The following XPR1 variants were observed in gnomAD, a reference collection of about 807,000 sequenced individuals.
The protein encoded by XPR1 is xenotropic and polytropic retrovirus receptor 1.
In XPR1, 28 loss-of-function variants were observed where a neutral mutation model predicts 87.5. The ratio of observed to expected loss-of-function variants is 0.32; its 90% CI spans 0.24 to 0.44. The LOEUF is 0.44. XPR1 is among the 20% of genes least tolerant of loss of function. The probability of loss-of-function intolerance (pLI) is 1.00; values close to 1 mark genes in which losing one functional copy is unlikely to be tolerated. For missense variants in XPR1, 559 were observed against 862.3 expected (o/e 0.65, Z 4.41); for synonymous variants, 300 against 306.1 (o/e 0.98, Z 0.21).
At chr1:180,725,042 T>C (rs1658291048) in intron 2 of XPR1, among the ~76,000 whole-genome samples, 1 of 152,210 alleles carries the variant, frequency 6.6e-6, no homozygotes, top group Non-Finnish European at 1.5e-5. Flanking sequence ...TTCATGGTTA[T>C]AAACAATAAC....
At chr1:180,703,456 T>C (rs1433034302) in intron 2 of XPR1, among the ~76,000 whole-genome samples, 2 of 152,148 alleles carry the variant, frequency 1.3e-5, no homozygotes, top group East Asian at 1.9e-4. Flanking sequence ...GGCTCCCAGA[T>C]GATGTGCGCA....
intron 1 of XPR1, among the ~76,000 whole-genome samples, chr1:180,640,364 A>T (rs777067288): frequency 1.4e-4 from 22 of 152,226 alleles, no homozygotes; most frequent in Non-Finnish European, 2.5e-4. Context: ...GTAGGTTGTT[A>T]GCTCCGTTTC....
intron 2 of XPR1, among the ~76,000 whole-genome samples, chr1:180,751,215 T>C (rs1449970958): frequency 1.3e-5 from 2 of 152,000 alleles, no homozygotes; most frequent in Non-Finnish European, 2.9e-5. Flanking sequence ...TTTACAGTTT[T>C]CCTTTCCTAT....
At chr1:180,710,652 C>A (rs1335214877) in intron 2 of XPR1, among the ~76,000 whole-genome samples, 1 of 152,230 alleles carries the variant, frequency 6.6e-6, no homozygotes, top group East Asian at 1.9e-4. Context: ...CCCCACATTT[C>A]CCCCCTTACT....
intron 1 of XPR1, among the ~76,000 whole-genome samples, chr1:180,671,535 A>T (rs1218801515): frequency 5.9e-5 from 9 of 151,810 alleles, no homozygotes; most frequent in South Asian, 2.1e-4. Context: ...ATATATATAT[A>T]TTTTTTTGAG....
At chr1:180,883,149 T>TA (rs1553255849) in intron 14 of XPR1, among the ~76,000 whole-genome samples, 16 of 149,020 alleles carry the variant, frequency 1.1e-4, no homozygotes, top group South Asian at 4.3e-4. Context: ...TTTTTTTTTT[T>TA]AAGACAGGGT....
chr1:180,787,681 A>T, intron 2 of XPR1, 72 bp from the exon 3 acceptor site: 1 of 1,033,080 alleles, frequency 9.7e-7, no homozygotes, highest in Non-Finnish European at 1.4e-6. Flanking sequence ...AAGTAATCTT[A>T]GTTTTTGTTT....
Position 180,744,650 on chromosome 1 carries a change from C to CTTTTT in XPR1, c.122-43100_122-43099insTTTTT, listed in dbSNP as rs200044209. On this transcript the variant is annotated intron_variant, in intron 2 of 14. Transcript: ENST00000367590. ...ACTTGTTCAGGTTTAGGCACAATTTCTTTCTTTTTTTTTTTTTTGAGACAG... is the reference window on the plus strand; with the variant it reads ...ACTTGTTCAGGTTTAGGCACAATTTCTTTTTTTTCTTTTTTTTTTTTTTGAGACAG... Among the ~76,000 whole-genome samples the CTTTTT allele has an allele frequency of 8.1e-4, 46 of 56,954 alleles. 7 individuals are homozygous for CTTTTT. Among genetic ancestry groups the CTTTTT allele is most frequent in the African/African-American group, 2.6e-3 (44 of 17,138 alleles). 37.4% of individuals were successfully genotyped at this position (56,954 alleles called of 152,430 possible).
rs1038786946 is a variant in XPR1 at position 180,632,087 on chromosome 1, A to G, written c.-115A>G. ...GAGACCTCGGCGGCGGCGGAGGAGG[A>G]GAGAAGCGCAGCGCCGCGCCGCGCC... On this transcript the variant is annotated 5_prime_UTR_variant, in exon 1 of 15. Coordinates refer to ENST00000367590, the MANE Select transcript of XPR1 (RefSeq NM_004736.4). 7.9e-7 allele frequency: 1 copy of G among 1,267,198 alleles called. No individual in the cohort carries two copies. Among genetic ancestry groups the G allele is most frequent in the Non-Finnish European group, 1.1e-6 (1 of 890,398 alleles). The allele number at this position is 1,267,198 out of a possible 1,614,324, so 78.5% of individuals were successfully genotyped here. A position where few individuals can be genotyped will look rare whatever the true frequency, so the allele number is the denominator to read the frequency against.
intron 1 of XPR1, among the ~76,000 whole-genome samples, chr1:180,674,304 G>A (rs1262849221): frequency 6.6e-6 from 1 of 152,192 alleles, no homozygotes; most frequent in East Asian, 1.9e-4. Flanking sequence ...TGTTGCCCAG[G>A]CTGGAGTGCA....
intron 11 of XPR1, among the ~76,000 whole-genome samples, chr1:180,842,297 T>C (rs990619034): frequency 6.6e-6 from 1 of 152,122 alleles, no homozygotes; most frequent in African/African-American, 2.4e-5. Context: ...TTTCAGAGTG[T>C]CTCATGTTTT....
rs142483142 is a variant in XPR1, at chr1:180,680,606, G to A, written c.70-1754G>A. On this transcript the variant is annotated intron_variant, in intron 1 of 14. Transcript: ENST00000367590. Reference sequence around the variant, plus strand: ...TCTCGATCTTTTGACCTCGTGATCCGCTCTCCTCGGCCTCCCAAAGTGCTG... The same window carrying A: ...TCTCGATCTTTTGACCTCGTGATCCACTCTCCTCGGCCTCCCAAAGTGCTG... 4.4e-4 allele frequency among the ~76,000 whole-genome samples: 67 copies of A among 152,074 alleles called. No homozygotes were observed. In the East Asian group the frequency reaches 0.012, roughly 27 times the overall value.
intron 1 of XPR1, among the ~76,000 whole-genome samples, chr1:180,668,978 A>C (rs1656061196): frequency 6.6e-6 from 1 of 151,942 alleles, no homozygotes; most frequent in African/African-American, 2.4e-5. Context: ...AATCCCAGCT[A>C]CTTGGGAGGC....
At chr1:180,750,084 T>C (rs1295657612) in intron 2 of XPR1, among the ~76,000 whole-genome samples, 1 of 152,222 alleles carries the variant, frequency 6.6e-6, no homozygotes, top group African/African-American at 2.4e-5. Flanking sequence ...CAGTATTTCC[T>C]TGAAGATATT....
chr1:180,835,030 C>G lies in XPR1; in HGVS notation c.1291C>G (p.Pro431Ala). 1 of 1,613,442 alleles carries G rather than the reference C, an allele frequency of 6.2e-7. No homozygotes were observed. The highest frequency in any genetic ancestry group is 2.2e-5 in the East Asian group (1 of 44,852). ...ATGGGATGAAAGTAAGGGCCTGTTG[C>G]CAAATAATTCAGAAGGTAGGGTATG... ...LKWDESKGLL[P>A]NNSEESGICH... Residue 431 changes from proline to alanine, a missense_variant, in exon 10 of 15, where the codon CCA becomes GCA. Physicochemically the swap from Pro to Ala is conservative, Grantham distance 27. Coordinates refer to ENST00000367590, the MANE Select transcript of XPR1 (RefSeq NM_004736.4).
chr1:180,810,364 T>G (rs1650164284), intron 6 of XPR1, among the ~76,000 whole-genome samples: 1 of 152,126 alleles, frequency 6.6e-6, no homozygotes. Flanking sequence ...GTGGATTGCC[T>G]GAGCCCAGGA....
intron 2 of XPR1, among the ~76,000 whole-genome samples, chr1:180,698,319 G>T (rs1001525984): frequency 4.6e-5 from 7 of 152,014 alleles, no homozygotes; most frequent in African/African-American, 1.7e-4. Flanking sequence ...TGTCTTTACA[G>T]GTGAAATGGG....
intron 2 of XPR1, among the ~76,000 whole-genome samples, chr1:180,726,270 A>T (rs1421558275): frequency 6.6e-6 from 1 of 152,184 alleles, no homozygotes; most frequent in Non-Finnish European, 1.5e-5. Flanking sequence ...GTGGGTGGGG[A>T]CAAATAAGGG....
At chr1:180,706,405 T>A (rs572452401) in intron 2 of XPR1, among the ~76,000 whole-genome samples, 1 of 152,328 alleles carries the variant, frequency 6.6e-6, no homozygotes, top group South Asian at 2.1e-4. Context: ...TCCAGGTATC[T>A]GTCAGCAACA....
Sources: gnomAD v4.1 joint callset for allele counts (sites outside exome capture counted in the v4.1 genomes callset) on GRCh38, gnomAD v4.1.1 for gene constraint, MANE v1.5 for transcripts, NCBI Gene and HGNC (gene_info 2026-07-23, HGNC 2026-07-21) for gene names.